The following CYP4F22 variants were observed in gnomAD, a reference collection of about 807,000 sequenced individuals.
The protein encoded by CYP4F22 is cytochrome P450 family 4 subfamily F member 22, also known as ultra-long-chain fatty acid omega-hydroxylase.
CYP4F22 carries 37 observed loss-of-function variants against 60.4 expected under a neutral mutation model. The observed-to-expected ratio is 0.61, with a 90% CI of 0.47 to 0.81. The LOEUF (loss-of-function observed/expected upper bound fraction) is 0.81. Ranked by LOEUF, CYP4F22 falls within the 30% of genes least tolerant of loss-of-function variation. The pLI is 0.00. For missense variants in CYP4F22, 655 were observed against 715.0 expected (o/e 0.92, Z 0.96); for synonymous variants, 258 against 280.5 (o/e 0.92, Z 0.80).
Position 15,551,630 on chromosome 19 carries a change from C to A in CYP4F22, c.*159C>A. The A allele has an allele frequency of 1.1e-6, 1 of 915,506 alleles. No homozygotes were observed. Among genetic ancestry groups the A allele is most frequent in the African/African-American group, 1.7e-5 (1 of 60,156 alleles). 56.7% of individuals were successfully genotyped at this position (915,506 alleles called of 1,614,324 possible). A position where few individuals can be genotyped will look rare whatever the true frequency, so the allele number is the denominator to read the frequency against. On this transcript the variant is annotated 3_prime_UTR_variant, in exon 14 of 14. Transcript: ENST00000269703. ...CTGTTGAGCAGCCTGGTGGTACTGGCCACGCCCCTCAAGGCAAGGCTCCTC... is the reference window on the plus strand; with the variant it reads ...CTGTTGAGCAGCCTGGTGGTACTGGACACGCCCCTCAAGGCAAGGCTCCTC...
At chr19:15,529,889 C>A in intron 4 of CYP4F22, 36 bp downstream of exon 4, 2 of 1,613,188 alleles carry the variant, frequency 1.2e-6, no homozygotes, top group Non-Finnish European at 1.7e-6. Context: ...TGGTTGAGTC[C>A]TCAACTCCCA....
chr19:15,541,353 G>C (rs1158154181), intron 8 of CYP4F22, among the ~76,000 whole-genome samples: 1 of 152,180 alleles, frequency 6.6e-6, no homozygotes, highest in Non-Finnish European at 1.5e-5. Context: ...GCAGAAGGCT[G>C]TCTTCTCCCT....
chr19:15,543,901 G>A (rs1971491879), intron 8 of CYP4F22, 70 bp from the exon 9 acceptor site: 10 of 1,497,104 alleles, frequency 6.7e-6, no homozygotes, highest in African/African-American at 1.4e-5. Flanking sequence ...AGATATCTGA[G>A]TTTTGAGGAG....
chr19:15,519,915 C>T (rs1016327072), intron 1 of CYP4F22, among the ~76,000 whole-genome samples: 13 of 152,136 alleles, frequency 8.5e-5, no homozygotes, highest in Admixed American at 7.2e-4. Flanking sequence ...ATAGTCACCC[C>T]GAGGTACAAA....
rs562760340 is a variant in CYP4F22, at chr19:15,522,038, G to A, written c.-108-1655G>A. ...CGGGTGCCTATAATCCAAGCTACTC[G>A]GTAGGCTGAGGCATGAGAATTGCTT... On this transcript the variant is annotated intron_variant, in intron 1 of 13. Transcript: ENST00000269703. 2.6e-3 allele frequency among the ~76,000 whole-genome samples: 400 copies of A among 151,810 alleles called. 3 individuals are homozygous for A. Among genetic ancestry groups the A allele is most frequent in the Non-Finnish European group, 3.9e-3 (268 of 67,932 alleles).
Position 15,551,661 on chromosome 19 carries a change from A to C in CYP4F22, c.*190A>C. The C allele has an allele frequency of 1.4e-6, 1 of 700,032 alleles. No individual in the cohort carries two copies. The highest frequency in any genetic ancestry group is 4.1e-4 in the Middle Eastern group (1 of 2,462). 43.4% of individuals were successfully genotyped at this position (700,032 alleles called of 1,614,324 possible). Reference sequence around the variant, plus strand: ...CCCTCAAGGCAAGGCTCCTCCCCTTAGGGGGCCTGATCCCGCCCCTTGAGG... The same window carrying C: ...CCCTCAAGGCAAGGCTCCTCCCCTTCGGGGGCCTGATCCCGCCCCTTGAGG... On this transcript the variant is annotated 3_prime_UTR_variant, in exon 14 of 14. Coordinates refer to ENST00000269703, the MANE Select transcript of CYP4F22 (RefSeq NM_173483.4).
At chr19:15,549,621 A>G (rs1599819099) in intron 12 of CYP4F22, among the ~76,000 whole-genome samples, 1 of 152,222 alleles carries the variant, frequency 6.6e-6, no homozygotes. Flanking sequence ...TGGGCCCAGG[A>G]GTTTGAGACC....
At chr19:15,546,576 G>A (rs549849485) in intron 10 of CYP4F22, among the ~76,000 whole-genome samples, 11 of 151,966 alleles carry the variant, frequency 7.2e-5, no homozygotes, top group East Asian at 5.8e-4. Context: ...ACAGCAAGAC[G>A]CCATCAAAAA....
intron 11 of CYP4F22, 65 bp from the exon 12 acceptor site, chr19:15,549,073 T>C: frequency 6.3e-7 from 1 of 1,580,478 alleles, no homozygotes; most frequent in South Asian, 1.1e-5. Context: ...AGACCCAAGT[T>C]GGGGGATGTT....
chr19:15,548,002 AGT>A (rs1162465828), intron 10 of CYP4F22, 104 bp from the exon 11 acceptor site: 7,089 of 363,420 alleles, frequency 0.02, 113 homozygotes, highest in Admixed American at 0.051. Flanking sequence ...AGAGGGAGAG[AGT>A]GTGTGTGTGT....
intron 1 of CYP4F22, among the ~76,000 whole-genome samples, chr19:15,519,787 A>G (rs574896535): frequency 3.9e-5 from 6 of 152,224 alleles, no homozygotes; most frequent in Admixed American, 1.3e-4. Context: ...TTGGCTGAAT[A>G]TGTTGACTCC....
Position 15,548,041 on chromosome 19 carries a change from G to GTGTGTT in CYP4F22, c.1137-62_1137-61insTTGTGT, listed in dbSNP as rs1568364081. 7 of 1,348,700 alleles carry GTGTGTT rather than the reference G, an allele frequency of 5.2e-6. No individual in the cohort carries two copies. In the African/African-American group the frequency reaches 9.0e-5, roughly 17 times the overall value. The allele number at this position is 1,348,700 out of a possible 1,614,324, so 83.5% of individuals were successfully genotyped here. ...TGTGTGTGTGTGTGTGTGTGTGTGT[G>GTGTGTT]TGTGTGTGTTTTGGGGAGGTGGTGC... On this transcript the variant is annotated intron_variant, in intron 10 of 13. Transcript: ENST00000269703.
At position 15,525,330 on chromosome 19, in the gene CYP4F22, C is replaced by T; in HGVS notation, c.-1-6C>T. The T allele has an allele frequency of 3.1e-6, 5 of 1,612,578 alleles. No homozygotes were observed. The highest frequency in any genetic ancestry group is 4.2e-6 in the Non-Finnish European group (5 of 1,179,814). ...GCACCGACCCCCTGACCCTGTGTGT[C>T]CCCAGGATGCTGCCCATCACAGACC... On this transcript the variant is annotated splice_polypyrimidine_tract_variant and splice_region_variant and intron_variant, in intron 2 of 13. Coordinates refer to ENST00000269703, the MANE Select transcript of CYP4F22 (RefSeq NM_173483.4).
At chr19:15,543,538 T>A (rs1186722742) in intron 8 of CYP4F22, among the ~76,000 whole-genome samples, 1 of 151,996 alleles carries the variant, frequency 6.6e-6, no homozygotes, top group Non-Finnish European at 1.5e-5. Context: ...CTTCCTGGAC[T>A]AGTTCCCCCC....
chr19:15,516,784 A>G, intron 1 of CYP4F22: 1 of 596,736 alleles, frequency 1.7e-6, no homozygotes, highest in Non-Finnish European at 2.7e-6. Flanking sequence ...CCACTTGCTC[A>G]GAGGATCTCA....
chr19:15,549,201 A>C lies in CYP4F22; in HGVS notation c.1334A>C (p.Lys445Thr), dbSNP rs752192760. 1 of 1,614,024 alleles carries C rather than the reference A, an allele frequency of 6.2e-7. No individual in the cohort carries two copies. The highest frequency in any genetic ancestry group is 8.5e-7 in the Non-Finnish European group (1 of 1,179,978). The change falls in exon 12 of 14, where the codon AAG becomes ACG. Residue 445 changes from lysine to threonine, a missense_variant and splice_region_variant. Physicochemically the swap from Lys to Thr is moderately conservative, Grantham distance 78 (BLOSUM62 -1). This residue lies in a region of CYP4F22 where 151 missense variants were observed against 139.4 expected (regional missense o/e 1.08). Transcript: ENST00000269703. ...HHNPTVWPDS[K>T]VYNPYRFDPD... ...AACCCCACAGTGTGGCCTGACTCCAAGGTGAGTGCCTGCCCCACTCCTCCC... is the reference window on the plus strand; with the variant it reads ...AACCCCACAGTGTGGCCTGACTCCACGGTGAGTGCCTGCCCCACTCCTCCC...
rs199809744 is a variant in CYP4F22 at position 15,543,942 on chromosome 19, G to C, written c.940-29G>C. ...AGGATGCGGAGGGTGGGATGAAGTG[G>C]GCTGAGCACCCTCTACTGCCCATTC... On this transcript the variant is annotated intron_variant, in intron 8 of 13. Coordinates refer to ENST00000269703, the MANE Select transcript of CYP4F22 (RefSeq NM_173483.4). The C allele has an allele frequency of 1.3e-3, 2,039 of 1,613,682 alleles. 6 individuals are homozygous for C. The highest frequency in any genetic ancestry group is 3.0e-3 in the South Asian group (274 of 91,060).
At chr19:15,521,314 C>A (rs1416729671) in intron 1 of CYP4F22, among the ~76,000 whole-genome samples, 1 of 150,070 alleles carries the variant, frequency 6.7e-6, no homozygotes, top group African/African-American at 2.5e-5. Context: ...TCACTGCAAC[C>A]TCCGCCTCCC....
At chr19:15,551,204 G>GCT (rs1971591104) in intron 13 of CYP4F22, 90 bp from the exon 14 acceptor site, 1 of 1,518,212 alleles carries the variant, frequency 6.6e-7, no homozygotes, top group Non-Finnish European at 9.0e-7. Flanking sequence ...AGCCCAGGAT[G>GCT]CTTGCTTCAT....
Sources: allele counts gnomAD v4.1 joint callset (sites outside exome capture counted in the v4.1 genomes callset), GRCh38; gene constraint gnomAD v4.1.1; regional missense constraint gnomAD v4.1.1; transcripts MANE v1.5; gene names NCBI Gene and HGNC (gene_info 2026-07-23, HGNC 2026-07-21).